Variants in MICAL2 observed in about 807,000 individuals in gnomAD.
MICAL2 encodes microtubule associated monooxygenase, calponin and LIM domain containing 2.
MICAL2 carries 77 observed loss-of-function variants against 127.3 expected under a neutral mutation model. That is an observed-to-expected ratio of 0.60 (90% CI 0.50 to 0.73). The LOEUF (loss-of-function observed/expected upper bound fraction) is 0.73. MICAL2 is among the 30% of genes least tolerant of loss of function. The pLI, the probability that MICAL2 is intolerant of heterozygous loss-of-function variation, is 0.00. For synonymous variants in MICAL2, 570 were observed against 551.1 expected, an observed-to-expected ratio of 1.03 and a Z score of -0.48; for missense variants, 1,351 against 1,434.4, an observed-to-expected ratio of 0.94 and a Z score of 0.94.
chr11:12,352,041 G>A (rs1195679939), intron 33 of MICAL2, among the ~76,000 whole-genome samples: 2 of 152,044 alleles, frequency 1.3e-5, no homozygotes, highest in East Asian at 3.9e-4. Flanking sequence ...ACCCACCTCG[G>A]CCTCCCAAAG....
At chr11:12,196,279 A>G (rs898722381) in intron 3 of MICAL2, 2 of 152,834 alleles carry the variant, frequency 1.3e-5, no homozygotes, top group Non-Finnish European at 2.9e-5. Flanking sequence ...TACCAAGACC[A>G]TGTTGATGGG....
At chr11:12,261,432 GGTATCTAGAAGA>G (rs1187676021) in intron 26 of MICAL2, 1 of 985,306 alleles carries the variant, frequency 1.0e-6, no homozygotes, top group Non-Finnish European at 1.2e-6. Context: ...TCTTACTCTG[GGTATCTAGAAGA>G]GTCCTCAGCT....
At chr11:12,291,915 T>C (rs1299567820), downstream of MICAL2, among the ~76,000 whole-genome samples, 3 of 152,142 alleles carry the variant, frequency 2.0e-5, no homozygotes, top group African/African-American at 7.2e-5. Context: ...TGAAACACAA[T>C]GGTTATTAGA....
At chr11:12,179,079 C>T (rs562339200) in intron 3 of MICAL2, among the ~76,000 whole-genome samples, 4 of 152,272 alleles carry the variant, frequency 2.6e-5, no homozygotes, top group South Asian at 2.1e-4. Context: ...TTCCCAAGCA[C>T]GGCTCAGATT....
chr11:12,346,392 T>C (rs1938954507), intron 32 of MICAL2, among the ~76,000 whole-genome samples: 1 of 152,250 alleles, frequency 6.6e-6, no homozygotes, highest in African/African-American at 2.4e-5. Context: ...TTAGGAAGTC[T>C]ATGATAATTG....
At chr11:12,179,254 G>A (rs968660259) in intron 3 of MICAL2, among the ~76,000 whole-genome samples, 2 of 152,110 alleles carry the variant, frequency 1.3e-5, no homozygotes, top group Non-Finnish European at 2.9e-5. Context: ...CTAGTTCTCA[G>A]CCTCTCCTCC....
chr11:12,167,869 A>G (rs1855706004), intron 3 of MICAL2, among the ~76,000 whole-genome samples: 1 of 152,192 alleles, frequency 6.6e-6, no homozygotes, highest in African/African-American at 2.4e-5. Context: ...TGTGAGCTTG[A>G]GTAAATCCAA....
chr11:12,339,141 G>A lies in MICAL2; in HGVS notation c.5516-10697G>A, dbSNP rs185519639. Among the ~76,000 whole-genome samples the A allele has an allele frequency of 4.6e-5, 7 of 152,246 alleles. No homozygotes were observed. In the East Asian group the frequency reaches 1.2e-3, roughly 25 times the overall value. On this transcript the variant is annotated intron_variant, in intron 32 of 34. Coordinates refer to the MICAL2 transcript ENST00000646065. ...TCACATAGTCCCATATTTCTTGGAG[G>A]CTTTGTTCATTTCTTTTTACTCTTT...
intron 3 of MICAL2, among the ~76,000 whole-genome samples, chr11:12,182,371 G>A (rs141214960): frequency 7.6e-4 from 115 of 152,166 alleles, no homozygotes; most frequent in African/African-American, 2.7e-3. Context: ...GAAGGGATCC[G>A]GGTCAAATCT....
intron 2 of MICAL2, among the ~76,000 whole-genome samples, chr11:12,155,920 C>T (rs546076586): frequency 2.0e-5 from 3 of 152,110 alleles, no homozygotes; most frequent in African/African-American, 4.8e-5. Flanking sequence ...GACCTCCCGG[C>T]GCCTGGTACT....
At chr11:12,143,694 C>A (rs2069093) in intron 2 of MICAL2, among the ~76,000 whole-genome samples, 38 of 152,274 alleles carry the variant, frequency 2.5e-4, no homozygotes, top group African/African-American at 8.2e-4. Flanking sequence ...TGAGTTCCTG[C>A]GCAGATTGAC....
intron 29 of MICAL2, among the ~76,000 whole-genome samples, chr11:12,308,578 T>C (rs1344388115): frequency 6.6e-6 from 1 of 152,238 alleles, no homozygotes; most frequent in African/African-American, 2.4e-5. Context: ...CTCATTAATA[T>C]GTAGAAGCAA....
At chr11:12,202,611 C>T (rs1410487319) in intron 3 of MICAL2, among the ~76,000 whole-genome samples, 8 of 152,152 alleles carry the variant, frequency 5.3e-5, no homozygotes, top group Admixed American at 2.6e-4. Flanking sequence ...TTAGCTTTTC[C>T]GTCTGGGCTC....
At chr11:12,166,310 TTTTG>T (rs1324768655) in intron 3 of MICAL2, among the ~76,000 whole-genome samples, 1 of 152,248 alleles carries the variant, frequency 6.6e-6, no homozygotes, top group African/African-American at 2.4e-5. Context: ...TCTTATATTC[TTTTG>T]TTTATTTGCT....
chr11:12,225,898 T>C, intron 13 of MICAL2: 1 of 484,838 alleles, frequency 2.1e-6, no homozygotes, highest in South Asian at 2.9e-5. Context: ...AAATAGCTCA[T>C]AAATGTTCCC....
chr11:12,348,718 G>A (rs1347464513), intron 32 of MICAL2, among the ~76,000 whole-genome samples: 1 of 152,206 alleles, frequency 6.6e-6, no homozygotes, highest in African/African-American at 2.4e-5. Context: ...ACACAGTTAA[G>A]TTCAGGCTCT....
chr11:12,209,356 T>G, intron 5 of MICAL2, 141 bp from the exon 6 acceptor site: 1 of 713,002 alleles, frequency 1.4e-6, no homozygotes, highest in South Asian at 1.6e-5. Flanking sequence ...TCTGGACTGC[T>G]CTAGCCTTTC....
intron 2 of MICAL2, among the ~76,000 whole-genome samples, chr11:12,286,698 G>C (rs745594418): frequency 3.9e-5 from 6 of 151,960 alleles, no homozygotes; most frequent in Non-Finnish European, 5.9e-5. Context: ...GTGGGACCCT[G>C]TCTCTATAAA....
intron 32 of MICAL2, among the ~76,000 whole-genome samples, chr11:12,347,053 C>G (rs529016574): frequency 6.6e-6 from 1 of 152,210 alleles, no homozygotes; most frequent in East Asian, 1.9e-4. Context: ...GCCTCCTTGC[C>G]CACCCCTCCA....
Sources: allele counts gnomAD v4.1 joint callset (sites outside exome capture counted in the v4.1 genomes callset), GRCh38; gene constraint gnomAD v4.1.1; transcripts MANE v1.5; gene names NCBI Gene and HGNC (gene_info 2026-07-23, HGNC 2026-07-21).